STAG1: variants seen among roughly 807,000 people sequenced by gnomAD.
The protein encoded by STAG1 is cohesin subunit SA-1.
STAG1 carries 26 observed loss-of-function variants against 170.9 expected under a neutral mutation model. The ratio of observed to expected loss-of-function variants is 0.15; its 90% CI spans 0.11 to 0.21. STAG1 has a LOEUF of 0.21. STAG1 is among the 10% of genes least tolerant of loss of function. The pLI is 1.00. For missense variants in STAG1, 964 were observed against 1,509.5 expected, an observed-to-expected ratio of 0.64 and a Z score of 5.99; for synonymous variants, 514 against 497.7, an observed-to-expected ratio of 1.03 and a Z score of -0.44.
In STAG1 at chr3:136,439,443, A is replaced by ACACACAC. The variant is rs1559802083; in HGVS notation, c.1546+3843_1546+3844insGTGTGTG. The stretch of plus-strand genomic sequence containing the variant: ...ACACACACACACACACACACACACA[A>ACACACAC]ACACTGTAAGACAGTCTTAAGGCCA... On this transcript the variant is annotated intron_variant, in intron 15 of 33. Coordinates refer to ENST00000383202, the MANE Select transcript of STAG1 (RefSeq NM_005862.3). Among the ~76,000 whole-genome samples, 206 of 44,880 alleles carry ACACACAC rather than the reference A, an allele frequency of 4.6e-3. 6 individuals are homozygous for ACACACAC. Among genetic ancestry groups the ACACACAC allele is most frequent in the African/African-American group, 9.1e-3 (142 of 15,644 alleles). The allele number at this position is 44,880 out of a possible 152,430, so 29.4% of individuals were successfully genotyped here.
intron 1 of STAG1, among the ~76,000 whole-genome samples, chr3:136,685,615 G>A (rs867709230): frequency 2.0e-5 from 3 of 152,156 alleles, no homozygotes; most frequent in Middle Eastern, 3.2e-3. Context: ...TAAAAGAAAT[G>A]AGCTCTAAGT....
intron 21 of STAG1, among the ~76,000 whole-genome samples, chr3:136,402,668 T>A (rs2087362284): frequency 6.6e-6 from 1 of 150,564 alleles, no homozygotes; most frequent in African/African-American, 2.4e-5. Context: ...CCGTCTCTAC[T>A]AAAAATATAA....
chr3:136,375,870 T>A (rs1937570897), intron 23 of STAG1, among the ~76,000 whole-genome samples: 1 of 151,600 alleles, frequency 6.6e-6, no homozygotes, highest in Admixed American at 6.6e-5. Flanking sequence ...CTTGGGAGGC[T>A]GAGACAGGGA....
chr3:136,584,167 T>G (rs1298583426), intron 4 of STAG1, among the ~76,000 whole-genome samples: 1 of 152,222 alleles, frequency 6.6e-6, no homozygotes, highest in Non-Finnish European at 1.5e-5. Flanking sequence ...AATACCATAC[T>G]GGTCTTGGTT....
In STAG1 at chr3:136,701,403, C is replaced by CGTGTGT. The variant is rs368425530; in HGVS notation, c.-84+50786_-84+50791dup. On this transcript the variant is annotated intron_variant, in intron 1 of 33. Transcript: ENST00000383202. ...ACACCACCACCACCATTCCCATCCT[C>CGTGTGT]GTGTGTGTGTGTGTATAAAATCCTA... 2.0e-5 allele frequency among the ~76,000 whole-genome samples: 3 copies of CGTGTGT among 151,788 alleles called. No homozygotes were observed. The East Asian group carries it at 5.8e-4, about 29-fold the overall frequency.
At chr3:136,730,822 A>G (rs1934000028) in intron 1 of STAG1, among the ~76,000 whole-genome samples, 3 of 152,232 alleles carry the variant, frequency 2.0e-5, no homozygotes, top group African/African-American at 7.2e-5. Context: ...CCCATGCTCC[A>G]AACACAATCA....
At chr3:136,735,221 G>A (rs1307258856) in intron 1 of STAG1, among the ~76,000 whole-genome samples, 1 of 151,908 alleles carries the variant, frequency 6.6e-6, no homozygotes, top group Non-Finnish European at 1.5e-5. Context: ...GACCTCCTGG[G>A]TTCAAGCCAT....
chr3:136,684,127 T>A (rs1289575944), intron 1 of STAG1, among the ~76,000 whole-genome samples: 3 of 152,188 alleles, frequency 2.0e-5, no homozygotes, highest in African/African-American at 7.2e-5. Context: ...AGATTCAACA[T>A]AATCCCAACC....
At chr3:136,595,502 G>T (rs1003813753) in intron 4 of STAG1, among the ~76,000 whole-genome samples, 3 of 151,752 alleles carry the variant, frequency 2.0e-5, no homozygotes, top group African/African-American at 7.3e-5. Flanking sequence ...GACCATCCTG[G>T]CTAACACGGT....
At chr3:136,743,592 T>C (rs1934789626) in intron 1 of STAG1, among the ~76,000 whole-genome samples, 1 of 152,044 alleles carries the variant, frequency 6.6e-6, no homozygotes, top group Non-Finnish European at 1.5e-5. Context: ...GAAACTAAAT[T>C]TGATTTTGTT....
chr3:136,390,191 C>T (rs918662279), intron 22 of STAG1, among the ~76,000 whole-genome samples: 6 of 152,072 alleles, frequency 3.9e-5, no homozygotes, highest in Non-Finnish European at 7.4e-5. Flanking sequence ...TATCTAGGGA[C>T]TCAGGAACAG....
chr3:136,511,380 A>G (rs1029757589), intron 7 of STAG1, among the ~76,000 whole-genome samples: 1 of 152,236 alleles, frequency 6.6e-6, no homozygotes, highest in Non-Finnish European at 1.5e-5. Flanking sequence ...ATACTGGTAA[A>G]GACATGGAAT....
At chr3:136,732,798 C>T (rs1258112894) in intron 1 of STAG1, among the ~76,000 whole-genome samples, 10 of 151,838 alleles carry the variant, frequency 6.6e-5, no homozygotes, top group African/African-American at 1.5e-4. Flanking sequence ...TCAGTAAAGA[C>T]GGGGTTTCAC....
chr3:136,486,204 T>A (rs1336693046), intron 9 of STAG1, among the ~76,000 whole-genome samples: 1 of 152,212 alleles, frequency 6.6e-6, no homozygotes, highest in Non-Finnish European at 1.5e-5. Flanking sequence ...ACAACATCTG[T>A]GAGACACTGT....
intron 24 of STAG1, 96 bp from the exon 25 acceptor site, chr3:136,367,178 T>C: frequency 1.0e-6 from 1 of 1,000,068 alleles, no homozygotes; most frequent in Non-Finnish European, 1.5e-6. Context: ...CTTAATATTA[T>C]AACTTCACAA....
chr3:136,717,386 G>T (rs947737423), intron 1 of STAG1, among the ~76,000 whole-genome samples: 1 of 152,154 alleles, frequency 6.6e-6, no homozygotes, highest in African/African-American at 2.4e-5. Context: ...TATGGAGGTC[G>T]GGTGTGGTGG....
chr3:136,415,463 C>T (rs149540912), intron 21 of STAG1, among the ~76,000 whole-genome samples: 2 of 152,310 alleles, frequency 1.3e-5, no homozygotes, highest in East Asian at 3.9e-4. Flanking sequence ...AGTATCCCTG[C>T]TCCAAAAGGT....
chr3:136,603,606 C>T (rs1001787034), intron 4 of STAG1, among the ~76,000 whole-genome samples: 3 of 151,960 alleles, frequency 2.0e-5, no homozygotes, highest in African/African-American at 7.2e-5. Flanking sequence ...AAGTTATGGC[C>T]GGGCGCGGTG....
intron 12 of STAG1, among the ~76,000 whole-genome samples, chr3:136,472,029 G>A (rs192314620): frequency 4.3e-4 from 66 of 152,022 alleles, no homozygotes; most frequent in Admixed American, 4.0e-3. Context: ...GTAGAGACAG[G>A]GTCTCCCCTT....
Sources: gnomAD v4.1 joint callset for allele counts (sites outside exome capture counted in the v4.1 genomes callset) on GRCh38, gnomAD v4.1.1 for gene constraint, MANE v1.5 for transcripts, NCBI Gene and HGNC (gene_info 2026-07-23, HGNC 2026-07-21) for gene names.